Variants in LOC400499 observed in about 807,000 individuals in gnomAD.
chr16:11,427,356 A>G, the LOC400499 span, among the ~76,000 whole-genome samples: 6 of 102,950 alleles, frequency 5.8e-5, no homozygotes, highest in Non-Finnish European at 1.0e-4. Context: ...CTCACAAAAA[A>G]AAAAAAAAAA....
the LOC400499 span, among the ~76,000 whole-genome samples, chr16:11,405,925 C>A: frequency 6.6e-6 from 1 of 152,206 alleles, no homozygotes; most frequent in Admixed American, 6.5e-5. Flanking sequence ...CCAGCTCCAG[C>A]CCAGTGGCTC....
chr16:11,404,755 C>T, the LOC400499 span: 5 of 399,032 alleles, frequency 1.3e-5, no homozygotes, highest in East Asian at 1.1e-4. Flanking sequence ...GAAAGGCTCC[C>T]GGTGAGGGCC....
the LOC400499 span, among the ~76,000 whole-genome samples, chr16:11,492,416 AG>A: frequency 6.6e-6 from 1 of 152,050 alleles, no homozygotes; most frequent in Non-Finnish European, 1.5e-5. Context: ...AGACCAACTC[AG>A]CCCCTGTCCA....
chr16:11,501,231 C>T, the LOC400499 span, among the ~76,000 whole-genome samples: 1 of 152,132 alleles, frequency 6.6e-6, no homozygotes. Context: ...GTACCCAGTG[C>T]TCTGCTGAAA....
chr16:11,478,785 A>G, the LOC400499 span: 78 of 398,124 alleles, frequency 2.0e-4, 1 homozygote, highest in South Asian at 9.7e-3. Context: ...CATAGCTCCC[A>G]TAATTCCCAC....
chr16:11,506,397 T>C, the LOC400499 span, among the ~76,000 whole-genome samples: 1 of 152,210 alleles, frequency 6.6e-6, no homozygotes, highest in Non-Finnish European at 1.5e-5. Context: ...TCACCCACTC[T>C]TGTGAGCCAG....
the LOC400499 span, among the ~76,000 whole-genome samples, chr16:11,493,239 A>G: frequency 6.6e-6 from 1 of 152,212 alleles, no homozygotes; most frequent in Admixed American, 6.5e-5. Context: ...TAGACTCTGC[A>G]GGCCATGCGG....
At chr16:11,500,969 C>T in the LOC400499 span, 15,786 of 399,046 alleles carry the variant, frequency 0.04, 408 homozygotes, top group Non-Finnish European at 0.049. Context: ...ACAGTGGCTG[C>T]CTGAGATCAT....
chr16:11,412,200 C>T, the LOC400499 span, among the ~76,000 whole-genome samples: 1 of 152,216 alleles, frequency 6.6e-6, no homozygotes, highest in African/African-American at 2.4e-5. Context: ...GTGCTACACC[C>T]TCTTGTCAGG....
At chr16:11,497,477 C>T in the LOC400499 span, among the ~76,000 whole-genome samples, 11 of 152,202 alleles carry the variant, frequency 7.2e-5, no homozygotes, top group Admixed American at 5.9e-4. Context: ...TGGAGGTTCC[C>T]GCCTCTGACT....
chr16:11,487,429 A>G, the LOC400499 span: 1 of 398,618 alleles, frequency 2.5e-6, no homozygotes, highest in Non-Finnish European at 4.4e-6. Context: ...GTACACTCAC[A>G]GAGTGGGGTC....
the LOC400499 span, among the ~76,000 whole-genome samples, chr16:11,501,223 A>G: frequency 6.6e-6 from 1 of 151,828 alleles, no homozygotes; most frequent in Non-Finnish European, 1.5e-5. Context: ...ACAAGTCCGT[A>G]CCCAGTGCTC....
the LOC400499 span, among the ~76,000 whole-genome samples, chr16:11,456,449 T>G: frequency 1.3e-5 from 2 of 152,204 alleles, no homozygotes; most frequent in African/African-American, 2.4e-5. Flanking sequence ...AAGAGGCCTC[T>G]GAGCCTGCAG....
the LOC400499 span, among the ~76,000 whole-genome samples, chr16:11,454,488 C>T: frequency 6.6e-6 from 1 of 152,216 alleles, no homozygotes; most frequent in Non-Finnish European, 1.5e-5. Context: ...GACACAGACA[C>T]ACACACACAG....
At chr16:11,383,646 C>T in the LOC400499 span, 1 of 1,232,264 alleles carries the variant, frequency 8.1e-7, no homozygotes, top group Non-Finnish European at 1.0e-6. Context: ...GCTTACCACA[C>T]TGTGGAGGAG....
the LOC400499 span, among the ~76,000 whole-genome samples, chr16:11,505,534 G>T: frequency 8.0e-6 from 1 of 124,896 alleles, no homozygotes; most frequent in African/African-American, 3.0e-5. Context: ...GCTCACTGTA[G>T]CCTTAACCTC....
the LOC400499 span, among the ~76,000 whole-genome samples, chr16:11,447,140 G>A: frequency 2.9e-4 from 44 of 152,228 alleles, no homozygotes; most frequent in Admixed American, 1.3e-3. Flanking sequence ...TGGGGTCCCC[G>A]TCGCCATTTG....
At chr16:11,417,211 G>A in the LOC400499 span, among the ~76,000 whole-genome samples, 53 of 152,044 alleles carry the variant, frequency 3.5e-4, 2 homozygotes, top group Admixed American at 2.8e-3. Flanking sequence ...CAAGTCGGAC[G>A]GGCCCTCAAT....
the LOC400499 span, among the ~76,000 whole-genome samples, chr16:11,495,472 C>T: frequency 6.6e-6 from 1 of 152,000 alleles, no homozygotes; most frequent in Non-Finnish European, 1.5e-5. Flanking sequence ...CCTCCACCTC[C>T]TGGGTTCATG....
Sources: gnomAD v4.1 joint callset for allele counts (sites outside exome capture counted in the v4.1 genomes callset) on GRCh38, gnomAD v4.1.1 for gene constraint, MANE v1.5 for transcripts.